Variants in NXPE2 observed in about 807,000 individuals in gnomAD.
NXPE2 encodes neurexophilin and PC-esterase domain family member 2.
Under a neutral mutation model 34.4 loss-of-function variants are expected in NXPE2, and 34 were observed. The ratio of observed to expected loss-of-function variants is 0.99; its 90% CI spans 0.75 to 1.31. The LOEUF (loss-of-function observed/expected upper bound fraction) is 1.31. Ranked by LOEUF, NXPE2 falls within the 40% of genes most tolerant of loss-of-function variation. The pLI is 0.00. For missense variants in NXPE2, 649 were observed against 672.5 expected (o/e 0.97, Z 0.39); for synonymous variants, 235 against 231.3 (o/e 1.02, Z -0.15).
At chr11:114,803,193 ATT>A in the NXPE2 span, among the ~76,000 whole-genome samples, 1 of 152,156 alleles carries the variant, frequency 6.6e-6, no homozygotes, top group Admixed American at 6.5e-5. Context: ...GCCTGTTCCC[ATT>A]TGTTTTACCC....
chr11:114,810,785 C>T, the NXPE2 span, among the ~76,000 whole-genome samples: 2 of 152,098 alleles, frequency 1.3e-5, no homozygotes, highest in Non-Finnish European at 2.9e-5. Context: ...TGTGGCGATT[C>T]CTCAGGGATC....
At chr11:114,679,902 C>T (rs1039435772) in intron 2 of NXPE2, 140 bp downstream of exon 2, 12 of 561,202 alleles carry the variant, frequency 2.1e-5, no homozygotes, top group Non-Finnish European at 3.5e-5. Flanking sequence ...CACTGTTCAG[C>T]ATAAATCCCT....
At chr11:114,656,909 G>A in the NXPE2 span, among the ~76,000 whole-genome samples, 2 of 151,958 alleles carry the variant, frequency 1.3e-5, no homozygotes, top group Admixed American at 6.6e-5. Flanking sequence ...TGGCTAACAC[G>A]GTGAAACCCC....
At chr11:114,692,546 AC>A (rs1217466233) in intron 2 of NXPE2, among the ~76,000 whole-genome samples, 2 of 152,312 alleles carry the variant, frequency 1.3e-5, no homozygotes, top group East Asian at 3.9e-4. Flanking sequence ...TCTATGTCAG[AC>A]ATGAGGCCCA....
the NXPE2 span, among the ~76,000 whole-genome samples, chr11:114,548,406 C>G: frequency 2.0e-5 from 3 of 151,924 alleles, no homozygotes; most frequent in East Asian, 1.9e-4. Flanking sequence ...CAAATATTCT[C>G]TATATCTTAG....
chr11:114,627,746 C>T, the NXPE2 span, among the ~76,000 whole-genome samples: 1 of 152,086 alleles, frequency 6.6e-6, no homozygotes, highest in African/African-American at 2.4e-5. Flanking sequence ...AGAGTCAAGA[C>T]CCATCAGTGT....
chr11:114,599,215 G>A, the NXPE2 span, among the ~76,000 whole-genome samples: 2 of 152,090 alleles, frequency 1.3e-5, no homozygotes, highest in Non-Finnish European at 2.9e-5. Context: ...GGGGTACAGT[G>A]CCTCCAAGTT....
intron 3 of NXPE2, among the ~76,000 whole-genome samples, chr11:114,702,486 G>T (rs1951383941): frequency 6.6e-6 from 1 of 152,090 alleles, no homozygotes; most frequent in Admixed American, 6.6e-5. Context: ...GCCAAAAATA[G>T]GTCTGATGGG....
the NXPE2 span, among the ~76,000 whole-genome samples, chr11:114,470,132 TATAA>T: frequency 1.3e-5 from 2 of 152,230 alleles, no homozygotes; most frequent in African/African-American, 2.4e-5. Flanking sequence ...TTTTGGCTAT[TATAA>T]ATAAAGATGC....
the NXPE2 span, among the ~76,000 whole-genome samples, chr11:114,798,135 T>A: frequency 6.6e-6 from 1 of 152,344 alleles, no homozygotes; most frequent in East Asian, 1.9e-4. Flanking sequence ...AACATACATT[T>A]GTGTTTTAAT....
the NXPE2 span, among the ~76,000 whole-genome samples, chr11:114,725,967 T>TAA: frequency 1.3e-3 from 103 of 76,878 alleles, no homozygotes; most frequent in Admixed American, 3.2e-3. Context: ...TAAAGTATAA[T>TAA]AAAAAAAAAA....
chr11:114,693,695 A>T (rs1201757744), intron 2 of NXPE2, among the ~76,000 whole-genome samples: 3 of 152,224 alleles, frequency 2.0e-5, no homozygotes, highest in African/African-American at 7.2e-5. Flanking sequence ...CATAATATTT[A>T]AAATATCTAG....
chr11:114,506,386 T>C, the NXPE2 span, among the ~76,000 whole-genome samples: 2 of 152,154 alleles, frequency 1.3e-5, no homozygotes, highest in Non-Finnish European at 2.9e-5. Flanking sequence ...ATAGACCTGA[T>C]AGATATTTAT....
At chr11:114,638,750 G>A in the NXPE2 span, among the ~76,000 whole-genome samples, 4 of 152,002 alleles carry the variant, frequency 2.6e-5, no homozygotes, top group Admixed American at 2.6e-4. Flanking sequence ...GTTTGCCTGG[G>A]TAACAGCAGC....
the NXPE2 span, among the ~76,000 whole-genome samples, chr11:114,807,122 T>G: frequency 6.7e-6 from 1 of 150,186 alleles, no homozygotes; most frequent in Non-Finnish European, 1.5e-5. Context: ...AATAAAATAC[T>G]TTACAGACAA....
the NXPE2 span, among the ~76,000 whole-genome samples, chr11:114,623,649 GT>G: frequency 1.0e-3 from 156 of 152,106 alleles, no homozygotes; most frequent in African/African-American, 3.7e-3. Flanking sequence ...GTTGCCTTGT[GT>G]GTAACCACTC....
At chr11:114,795,174 G>A in the NXPE2 span, among the ~76,000 whole-genome samples, 2 of 152,298 alleles carry the variant, frequency 1.3e-5, no homozygotes, top group African/African-American at 2.4e-5. Context: ...ACAATCCTGG[G>A]AGGTGAAGGA....
At chr11:114,590,557 C>T in the NXPE2 span, among the ~76,000 whole-genome samples, 1 of 152,170 alleles carries the variant, frequency 6.6e-6, no homozygotes, top group Non-Finnish European at 1.5e-5. Flanking sequence ...CTCAAAAGGC[C>T]TTTAGCCAGT....
chr11:114,786,893 G>C, the NXPE2 span, among the ~76,000 whole-genome samples: 1 of 152,098 alleles, frequency 6.6e-6, no homozygotes, highest in Non-Finnish European at 1.5e-5. Flanking sequence ...CACACTGCTT[G>C]GCTGGTGCCA....
Sources: allele counts gnomAD v4.1 joint callset (sites outside exome capture counted in the v4.1 genomes callset), GRCh38; gene constraint gnomAD v4.1.1; transcripts MANE v1.5; gene names NCBI Gene and HGNC (gene_info 2026-07-23, HGNC 2026-07-21).